The following ZRANB3 variants were observed in gnomAD, a reference collection of about 807,000 sequenced individuals.
The protein encoded by ZRANB3 is zinc finger RANBP2-type containing 3.
Under a neutral mutation model 133.8 loss-of-function variants are expected in ZRANB3, and 125 were observed. The ratio of observed to expected loss-of-function variants is 0.93; its 90% CI spans 0.81 to 1.08. The LOEUF is 1.08. Ranked by LOEUF, ZRANB3 falls within the 50% of genes least tolerant of loss-of-function variation. ZRANB3 has a pLI of 0.00. For synonymous variants in ZRANB3, 387 were observed against 432.7 expected, an observed-to-expected ratio of 0.89 and a Z score of 1.31; for missense variants, 1,229 against 1,275.5, an observed-to-expected ratio of 0.96 and a Z score of 0.56.
At chr2:135,378,980 A>G (rs573127818) in intron 3 of ZRANB3, among the ~76,000 whole-genome samples, 1 of 152,220 alleles carries the variant, frequency 6.6e-6, no homozygotes, top group African/African-American at 2.4e-5. Context: ...TATATTTTTT[A>G]AAAGGACATG....
At chr2:135,270,628 G>C (rs139549930) in intron 10 of ZRANB3, among the ~76,000 whole-genome samples, 1 of 152,044 alleles carries the variant, frequency 6.6e-6, no homozygotes, top group Non-Finnish European at 1.5e-5. Flanking sequence ...AAATAACTCC[G>C]ATTATTGGAA....
At chr2:135,416,893 A>C (rs1428852184) in intron 2 of ZRANB3, among the ~76,000 whole-genome samples, 2 of 152,186 alleles carry the variant, frequency 1.3e-5, no homozygotes, top group Non-Finnish European at 2.9e-5. Context: ...TGCTGGGAAA[A>C]CTGGCTAGCC....
intron 12 of ZRANB3, among the ~76,000 whole-genome samples, chr2:135,251,863 C>A (rs376011681): frequency 6.6e-6 from 1 of 152,062 alleles, no homozygotes; most frequent in East Asian, 1.9e-4. Context: ...GGTGAAACCT[C>A]GTCTCTACTA....
Position 135,265,609 on chromosome 2 carries a change from A to G in ZRANB3, c.1464T>C (p.Asp488=). The part of the protein sequence containing the change: ...QAEEGDKEKW[D]FLQFAEAWTP... ...TCCAAGCTTCAGCAAACTGCAGGAA[A>G]TCCCATTTTTCCTTATCACCTTCCT... Residue 488 remains aspartate, a synonymous_variant, in exon 12 of 21, where the codon GAT becomes GAC. Transcript: ENST00000264159. 6.2e-7 allele frequency: 1 copy of G among 1,613,690 alleles called. No homozygotes were observed. Among genetic ancestry groups the G allele is most frequent in the Non-Finnish European group, 8.5e-7 (1 of 1,179,770 alleles).
chr2:135,361,379 C>T (rs996354569), intron 3 of ZRANB3, among the ~76,000 whole-genome samples: 12 of 152,138 alleles, frequency 7.9e-5, no homozygotes, highest in Non-Finnish European at 1.5e-5. Flanking sequence ...TCAATGTTTT[C>T]AAAATTGTAA....
intron 12 of ZRANB3, among the ~76,000 whole-genome samples, chr2:135,264,440 C>G (rs1020990298): frequency 7.0e-6 from 1 of 143,588 alleles, no homozygotes; most frequent in African/African-American, 2.6e-5. Context: ...CCATTGCACC[C>G]AGCCAGGGCA....
intron 3 of ZRANB3, among the ~76,000 whole-genome samples, chr2:135,366,860 T>TA (rs950300547): frequency 5.4e-4 from 79 of 145,626 alleles, no homozygotes; most frequent in South Asian, 5.3e-3. Context: ...CTACTAAAAA[T>TA]AAAAAAAAAA....
intron 19 of ZRANB3, among the ~76,000 whole-genome samples, chr2:135,203,563 G>A (rs909545363): frequency 7.0e-6 from 1 of 142,720 alleles, no homozygotes; most frequent in African/African-American, 2.7e-5. Context: ...AGCTTGCAGT[G>A]AGCAGAGATT....
At chr2:135,360,189 G>A (rs1172524376) in intron 3 of ZRANB3, among the ~76,000 whole-genome samples, 1 of 151,500 alleles carries the variant, frequency 6.6e-6, no homozygotes, top group African/African-American at 2.4e-5. Flanking sequence ...GACTAGCCTG[G>A]CCAAAATGAT....
chr2:135,207,877 A>C (rs777098526), intron 18 of ZRANB3, 41 bp from the exon 19 acceptor site: 1 of 1,536,060 alleles, frequency 6.5e-7, no homozygotes, highest in Non-Finnish European at 8.8e-7. Context: ...CTAATGAATG[A>C]TTAGGCTAAA....
At chr2:135,459,333 C>T (rs1191558050) in intron 2 of ZRANB3, among the ~76,000 whole-genome samples, 2 of 152,184 alleles carry the variant, frequency 1.3e-5, no homozygotes, top group African/African-American at 4.8e-5. Flanking sequence ...ATCTCTTCAT[C>T]TCATTTTAAT....
intron 3 of ZRANB3, among the ~76,000 whole-genome samples, chr2:135,383,304 A>T (rs1455505968): frequency 6.6e-6 from 1 of 152,252 alleles, no homozygotes; most frequent in Non-Finnish European, 1.5e-5. Context: ...AACTATCCCA[A>T]ATATACATGC....
chr2:135,231,681 G>A (rs1035325712), intron 12 of ZRANB3, among the ~76,000 whole-genome samples: 3 of 152,096 alleles, frequency 2.0e-5, no homozygotes, highest in East Asian at 1.9e-4. Flanking sequence ...CCAGCTACTC[G>A]GGGAGCTGAG....
intron 2 of ZRANB3, among the ~76,000 whole-genome samples, chr2:135,432,959 C>T (rs1282139679): frequency 6.6e-6 from 1 of 152,120 alleles, no homozygotes; most frequent in African/African-American, 2.4e-5. Flanking sequence ...AAAACAAGGA[C>T]GAGCTAGACT....
At chr2:135,371,651 T>G (rs568947726) in intron 3 of ZRANB3, among the ~76,000 whole-genome samples, 1 of 152,344 alleles carries the variant, frequency 6.6e-6, no homozygotes, top group Non-Finnish European at 1.5e-5. Flanking sequence ...GTGGTCAAGA[T>G]AAATTTTTAG....
intron 2 of ZRANB3, among the ~76,000 whole-genome samples, chr2:135,500,364 T>G (rs1481278865): frequency 6.6e-6 from 1 of 152,070 alleles, no homozygotes; most frequent in Non-Finnish European, 1.5e-5. Flanking sequence ...AGCCCCAAAC[T>G]AGAAATAACC....
intron 8 of ZRANB3, among the ~76,000 whole-genome samples, chr2:135,300,289 A>G (rs1682365487): frequency 6.6e-6 from 1 of 152,236 alleles, no homozygotes; most frequent in African/African-American, 2.4e-5. Context: ...TCCTATAAGT[A>G]GCTGCATATT....
At chr2:135,393,170 A>G (rs1030180002) in intron 2 of ZRANB3, among the ~76,000 whole-genome samples, 2 of 152,192 alleles carry the variant, frequency 1.3e-5, no homozygotes, top group African/African-American at 4.8e-5. Context: ...ACCTGGCCCC[A>G]ATAAATATCT....
At chr2:135,354,135 G>A (rs996624902) in intron 3 of ZRANB3, among the ~76,000 whole-genome samples, 4 of 152,100 alleles carry the variant, frequency 2.6e-5, no homozygotes, top group African/African-American at 9.7e-5. Flanking sequence ...ATTCATGATT[G>A]AACTTAAAGA....
Sources: gnomAD v4.1 joint callset for allele counts (sites outside exome capture counted in the v4.1 genomes callset) on GRCh38, gnomAD v4.1.1 for gene constraint, MANE v1.5 for transcripts, NCBI Gene and HGNC (gene_info 2026-07-23, HGNC 2026-07-21) for gene names.